Variants in PAK6 observed in about 807,000 individuals in gnomAD.
PAK6 encodes the protein p21 (RAC1) activated kinase 6.
PAK6 carries 33 observed loss-of-function variants against 60.8 expected under a neutral mutation model. The ratio of observed to expected loss-of-function variants is 0.54; its 90% CI spans 0.41 to 0.73. The LOEUF (loss-of-function observed/expected upper bound fraction) is 0.73. Among genes scored for constraint, PAK6 ranks in the 30% least tolerant of loss-of-function variants. The pLI, the probability that PAK6 is intolerant of heterozygous loss-of-function variation, is 0.00. For missense variants in PAK6, 845 were observed against 904.1 expected, an observed-to-expected ratio of 0.93 and a Z score of 0.84; for synonymous variants, 404 against 378.5, an observed-to-expected ratio of 1.07 and a Z score of -0.78.
At chr15:40,242,213 C>T (rs1478333244) in intron 2 of PAK6, among the ~76,000 whole-genome samples, 12 of 152,158 alleles carry the variant, frequency 7.9e-5, no homozygotes, top group Non-Finnish European at 1.3e-4. Context: ...TATGCCAGCC[C>T]GCTTCTGTGG....
At chr15:40,276,912 T>G (rs1555389418) in exon 11 of PAK6, 1 of 152,192 alleles carries the variant, frequency 6.6e-6, no homozygotes, top group Non-Finnish European at 1.5e-5. Flanking sequence ...TTGGCCTGGC[T>G]TCCACCTCTC....
At chr15:40,240,562 CTTTTTT>C (rs10624794) in intron 1 of PAK6, 31 bp from the exon 2 acceptor site, 62 of 321,568 alleles carry the variant, frequency 1.9e-4, no homozygotes, top group Admixed American at 3.1e-4. Flanking sequence ...TTTTCTTTTC[CTTTTTT>C]TTTTTTTTTT....
intron 5 of PAK6, among the ~76,000 whole-genome samples, chr15:40,271,232 G>A (rs1003768399): frequency 2.6e-5 from 4 of 152,342 alleles, no homozygotes; most frequent in East Asian, 1.9e-4. Context: ...AAGATGGGCG[G>A]GCACCTTTCC....
intron 2 of PAK6, chr15:40,252,189 C>T: frequency 1.0e-6 from 1 of 1,003,850 alleles, no homozygotes; most frequent in Non-Finnish European, 1.3e-6. Flanking sequence ...TGTGGGTGGG[C>T]ACACGCGGCC....
intron 4 of PAK6, 139 bp downstream of exon 4, chr15:40,265,128 G>A (rs1304282960): frequency 2.5e-6 from 2 of 802,776 alleles, no homozygotes; most frequent in South Asian, 1.9e-5. Context: ...CTCCCTGCCT[G>A]TCAGCCTGCC....
intron 2 of PAK6, among the ~76,000 whole-genome samples, chr15:40,242,044 C>T (rs764874436): frequency 8.0e-5 from 6 of 75,236 alleles, no homozygotes; most frequent in Middle Eastern, 7.7e-3. Context: ...GTCAGAGGGG[C>T]GGAGGCTGTC....
At chr15:40,256,170 A>C (rs1375682012) in intron 3 of PAK6, among the ~76,000 whole-genome samples, 2 of 152,200 alleles carry the variant, frequency 1.3e-5, no homozygotes, top group Non-Finnish European at 2.9e-5. Flanking sequence ...GGCTGCAGTA[A>C]GCTCTGATCG....
intron 5 of PAK6, among the ~76,000 whole-genome samples, chr15:40,268,913 C>T (rs1017135097): frequency 6.6e-6 from 1 of 152,174 alleles, no homozygotes; most frequent in Non-Finnish European, 1.5e-5. Flanking sequence ...GGGCGTCCTG[C>T]GGGTTCCAGT....
Position 40,272,468 on chromosome 15 carries a change from A to G in PAK6, c.1103A>G (p.Gln368Arg), listed in dbSNP as rs142340502. The change falls in exon 6 of 11, where the codon CAG (glutamine) becomes CGG (arginine). Residue 368 changes from glutamine (Q) to arginine (R), a missense_variant. Coordinates refer to ENST00000560346, the Ensembl canonical transcript of PAK6. ...AGCACCAGCAACCTGTACCTGCCCC[A>G]GGACCCCACGGTTGCCAAGGGTGCC... The G allele has an allele frequency of 1.1e-5, 18 of 1,613,646 alleles. No individual in the cohort carries two copies. The African/African-American group carries it at 2.3e-4, about 20-fold the overall frequency.
intron 2 of PAK6, chr15:40,252,117 C>A: frequency 2.5e-6 from 1 of 403,986 alleles, no homozygotes; most frequent in Non-Finnish European, 4.2e-6. Flanking sequence ...GGGCCCTGTC[C>A]ACATGGGACA....
chr15:40,255,557 C>A (rs1047516090), intron 3 of PAK6, among the ~76,000 whole-genome samples: 26 of 152,204 alleles, frequency 1.7e-4, no homozygotes, highest in African/African-American at 6.3e-4. Flanking sequence ...ACCCTCCTCC[C>A]CCGCAGGTGA....
chr15:40,267,315 C>T (rs1427598637), intron 5 of PAK6, among the ~76,000 whole-genome samples: 1 of 152,116 alleles, frequency 6.6e-6, no homozygotes, highest in Non-Finnish European at 1.5e-5. Flanking sequence ...GGGGATGACC[C>T]GGACTACAAC....
At chr15:40,256,085 C>T (rs1595578571) in intron 3 of PAK6, among the ~76,000 whole-genome samples, 1 of 152,194 alleles carries the variant, frequency 6.6e-6, no homozygotes, top group Admixed American at 6.5e-5. Flanking sequence ...CCCAGCTGGG[C>T]ACGGTGGTAT....
intron 4 of PAK6, among the ~76,000 whole-genome samples, chr15:40,265,365 C>T (rs570892778): frequency 3.9e-5 from 6 of 152,342 alleles, no homozygotes; most frequent in Non-Finnish European, 7.4e-5. Flanking sequence ...GTGAGGGTCA[C>T]GACTAGTAGA....
chr15:40,265,033 T>G, intron 4 of PAK6, 44 bp downstream of exon 4: 1 of 1,564,800 alleles, frequency 6.4e-7, no homozygotes, highest in Non-Finnish European at 8.7e-7. Flanking sequence ...CTCCCAGTAC[T>G]CAGACAACCA....
In PAK6 at chr15:40,274,311, C is replaced by A. The variant is rs767074825; in HGVS notation, c.1878+35C>A. The A allele has an allele frequency of 2.5e-5, 38 of 1,546,878 alleles. No homozygotes were observed. In the East Asian group the frequency reaches 7.3e-4, roughly 30 times the overall value. ...CACACAAGGGTGCGACCTCGCAGAC[C>A]CCATTCCTCCTGAGGCAAGGGGACC... is the stretch of plus-strand genomic sequence containing the variant. On this transcript the variant is annotated intron_variant, in intron 10 of 10. Transcript: ENST00000560346.
At chr15:40,244,797 G>A (rs919365781) in intron 2 of PAK6, 1 of 152,126 alleles carries the variant, frequency 6.6e-6, no homozygotes, top group African/African-American at 2.4e-5. Flanking sequence ...AGCATGACAG[G>A]CTTTCTTGGG....
intron 3 of PAK6, among the ~76,000 whole-genome samples, chr15:40,255,044 AAG>A (rs1231331673): frequency 6.6e-6 from 1 of 152,182 alleles, no homozygotes; most frequent in Non-Finnish European, 1.5e-5. Context: ...TGTAGAAAAA[AAG>A]GCAATCTTGT....
chr15:40,265,690 G>T, intron 4 of PAK6, 152 bp from the exon 5 acceptor site: 1 of 638,354 alleles, frequency 1.6e-6, no homozygotes, highest in Non-Finnish European at 2.5e-6. Context: ...GATAAATTAT[G>T]GAAAAATTAA....
Sources: gnomAD v4.1 joint callset for allele counts (sites outside exome capture counted in the v4.1 genomes callset) on GRCh38, gnomAD v4.1.1 for gene constraint, MANE v1.5 for transcripts, NCBI Gene and HGNC (gene_info 2026-07-23, HGNC 2026-07-21) for gene names.